DAAM2: variants seen among roughly 807,000 people sequenced by gnomAD.
DAAM2 encodes the protein dishevelled associated activator of morphogenesis 2, also known as disheveled-associated activator of morphogenesis 2.
A neutral mutation model predicts 120.7 loss-of-function variants in DAAM2; 39 were observed. The ratio of observed to expected loss-of-function variants is 0.32; its 90% CI spans 0.25 to 0.42. DAAM2 has a LOEUF of 0.42. DAAM2 is among the 10% of genes least tolerant of loss of function. The probability of loss-of-function intolerance (pLI) is 1.00; values close to 1 mark genes in which losing one functional copy is unlikely to be tolerated. For synonymous variants in DAAM2, 488 were observed against 524.9 expected (o/e 0.93, Z 0.96); for missense variants, 1,283 against 1,401.7 (o/e 0.92, Z 1.35).
intron 1 of DAAM2, among the ~76,000 whole-genome samples, chr6:39,832,911 C>T (rs1444685372): frequency 6.6e-6 from 1 of 152,156 alleles, no homozygotes; most frequent in Non-Finnish European, 1.5e-5. Context: ...AGGCTCCTGG[C>T]TCTGCCAGGA....
chr6:39,838,948 C>T (rs1000148083), intron 1 of DAAM2, among the ~76,000 whole-genome samples: 1 of 150,034 alleles, frequency 6.7e-6, no homozygotes, highest in Non-Finnish European at 1.5e-5. Context: ...CGTGAGCCAC[C>T]GTGCCTGGCC....
intron 23 of DAAM2, among the ~76,000 whole-genome samples, chr6:39,900,818 A>T (rs1180914000): frequency 1.3e-5 from 2 of 152,234 alleles, no homozygotes; most frequent in African/African-American, 2.4e-5. Context: ...TCAGTAACTC[A>T]GAACAGTGCC....
chr6:39,852,164 T>A (rs138311326), intron 1 of DAAM2, among the ~76,000 whole-genome samples: 2 of 152,132 alleles, frequency 1.3e-5, no homozygotes, highest in Non-Finnish European at 2.9e-5. Context: ...TGGGTGGAGG[T>A]GGGGGCAGTT....
At chr6:39,823,677 C>T (rs778200607) in intron 1 of DAAM2, among the ~76,000 whole-genome samples, 1 of 152,176 alleles carries the variant, frequency 6.6e-6, no homozygotes, top group Non-Finnish European at 1.5e-5. Flanking sequence ...AGAAGGCCAT[C>T]GCATGATCCC....
rs571736221 is a variant in DAAM2, at chr6:39,904,536, TAACA to T, written c.*2504_*2507del. 832 of 454,170 alleles carry T rather than the reference TAACA, an allele frequency of 1.8e-3. 4 individuals are homozygous for T. The highest frequency in any genetic ancestry group is 0.012 in the African/African-American group (612 of 50,084). The allele number at this position is 454,170 out of a possible 1,614,324, so 28.1% of individuals were successfully genotyped here. ...GCCAATGTAAAATTCGTCATCAACC[TAACA>T]AACACAACCTTCTCAGCAGCATTTC... is the stretch of plus-strand genomic sequence containing the variant. On this transcript the variant is annotated 3_prime_UTR_variant, in exon 25 of 25. Coordinates refer to ENST00000274867, the MANE Select transcript of DAAM2 (RefSeq NM_001201427.2).
rs968220641 is a variant in DAAM2 at position 39,902,182 on chromosome 6, G to C, written c.*145G>C. ...TGGGATGGGGGGCTGTGTGTGGCTG[G>C]ACCAGGTGTCTCCCCACGCTTACCT... On this transcript the variant is annotated 3_prime_UTR_variant, in exon 25 of 25. Transcript: ENST00000274867. 2 of 595,294 alleles carry C rather than the reference G, an allele frequency of 3.4e-6. No homozygotes were observed. Among genetic ancestry groups the C allele is most frequent in the Non-Finnish European group, 5.6e-6 (2 of 355,978 alleles). 36.9% of individuals were successfully genotyped at this position (595,294 alleles called of 1,614,324 possible).
chr6:39,851,576 C>T (rs1763807412), intron 1 of DAAM2, among the ~76,000 whole-genome samples: 1 of 152,102 alleles, frequency 6.6e-6, no homozygotes, highest in Non-Finnish European at 1.5e-5. Flanking sequence ...AATGTAAAAG[C>T]TGGTGTGTGC....
chr6:39,824,413 C>G (rs937841916), intron 1 of DAAM2, among the ~76,000 whole-genome samples: 2 of 152,206 alleles, frequency 1.3e-5, no homozygotes, highest in Admixed American at 1.3e-4. Flanking sequence ...TAACCTGAAC[C>G]TGCCCCAGGC....
chr6:39,855,698 G>A (rs1012498096), intron 1 of DAAM2, among the ~76,000 whole-genome samples: 7 of 152,148 alleles, frequency 4.6e-5, no homozygotes, highest in African/African-American at 9.7e-5. Flanking sequence ...GTAGTCTTCC[G>A]TCTTCCTCCT....
intron 1 of DAAM2, among the ~76,000 whole-genome samples, chr6:39,812,421 G>C (rs1762190272): frequency 6.6e-6 from 1 of 152,154 alleles, no homozygotes; most frequent in Non-Finnish European, 1.5e-5. Context: ...TGCACATCTA[G>C]TTTGTGGCAC....
rs763449975 is a variant in DAAM2, at chr6:39,867,709, A to G, written c.628A>G (p.Thr210Ala). The change falls in exon 6 of 25, where the codon ACA becomes GCA. Residue 210 changes from threonine to alanine, a missense_variant. Thr to Ala is a moderately conservative substitution (Grantham distance 58). Transcript: ENST00000274867. The part of the protein sequence containing the change: ...AISTIAQSLR[T>A]ENSKTKVAVL... ...TAGTACCATAGCCCAGAGCCTACGCACAGAGAACAGCAAGACCAAGGTGGC... is the reference window on the plus strand; with the variant it reads ...TAGTACCATAGCCCAGAGCCTACGCGCAGAGAACAGCAAGACCAAGGTGGC... 9 of 1,614,052 alleles carry G rather than the reference A, an allele frequency of 5.6e-6. No individual in the cohort carries two copies. In the South Asian group the frequency reaches 9.9e-5, roughly 18 times the overall value.
intron 1 of DAAM2, among the ~76,000 whole-genome samples, chr6:39,803,438 C>T (rs1761925626): frequency 6.6e-6 from 1 of 152,136 alleles, no homozygotes; most frequent in South Asian, 2.1e-4. Context: ...GGTAGGTAGT[C>T]CTCTAAGAAG....
intron 1 of DAAM2, among the ~76,000 whole-genome samples, chr6:39,825,221 C>A (rs1762623454): frequency 6.6e-6 from 1 of 151,962 alleles, no homozygotes; most frequent in Non-Finnish European, 1.5e-5. Flanking sequence ...GAAACGCTCT[C>A]TCTACTAAAA....
chr6:39,800,759 C>A (rs1761838444), intron 1 of DAAM2, among the ~76,000 whole-genome samples: 1 of 152,236 alleles, frequency 6.6e-6, no homozygotes, highest in South Asian at 2.1e-4. Flanking sequence ...TGGGACAATT[C>A]TAACGGGCGT....
At chr6:39,820,637 G>A (rs1311082210) in intron 1 of DAAM2, 1 of 152,088 alleles carries the variant, frequency 6.6e-6, no homozygotes, top group Non-Finnish European at 1.5e-5. Flanking sequence ...CTATAAAGAT[G>A]AAAAAAGAAA....
At position 39,856,265 on chromosome 6, in the gene DAAM2, G is replaced by A. The variant is rs779209040; in HGVS notation, c.-38G>A. Reference sequence around the variant, plus strand: ...TGTCCAGATCACAATGAGGACCTAGGGCATCTGTCTGCTGACGCCCCCTGG... The same window carrying A: ...TGTCCAGATCACAATGAGGACCTAGAGCATCTGTCTGCTGACGCCCCCTGG... On this transcript the variant is annotated 5_prime_UTR_variant, in exon 2 of 25. Coordinates refer to ENST00000274867, the MANE Select transcript of DAAM2 (RefSeq NM_001201427.2). 8 of 1,439,510 alleles carry A rather than the reference G, an allele frequency of 5.6e-6. No homozygotes were observed. The Admixed American group carries it at 2.0e-4, about 36-fold the overall frequency. The allele number at this position is 1,439,510 out of a possible 1,614,324, so 89.2% of individuals were successfully genotyped here.
At chr6:39,813,146 TTGTGTGTGTGTGTG>T (rs143725882) in intron 1 of DAAM2, among the ~76,000 whole-genome samples, 7 of 149,414 alleles carry the variant, frequency 4.7e-5, no homozygotes, top group African/African-American at 1.7e-4. Context: ...AAGAGGCAGA[TTGTGTGTGTGTGTG>T]TGTGTGCGTG....
intron 17 of DAAM2, 46 bp from the exon 18 acceptor site, chr6:39,891,295 C>A: frequency 6.9e-7 from 1 of 1,448,950 alleles, no homozygotes; most frequent in South Asian, 1.2e-5. Flanking sequence ...TACCCCATGT[C>A]TGCTGCTCAC....
intron 1 of DAAM2, among the ~76,000 whole-genome samples, chr6:39,830,646 T>A (rs1374705282): frequency 1.3e-5 from 2 of 152,130 alleles, no homozygotes; most frequent in Non-Finnish European, 2.9e-5. Flanking sequence ...AAGGCCAGGA[T>A]GTGGCGTGGG....
Sources: gnomAD v4.1 joint callset for allele counts (sites outside exome capture counted in the v4.1 genomes callset) on GRCh38, gnomAD v4.1.1 for gene constraint, MANE v1.5 for transcripts, NCBI Gene and HGNC (gene_info 2026-07-23, HGNC 2026-07-21) for gene names.